The following PRKCH variants were observed in gnomAD, a reference collection of about 807,000 sequenced individuals.
The protein encoded by PRKCH is protein kinase C eta type.
In PRKCH, 28 loss-of-function variants were observed where a neutral mutation model predicts 82.5. The ratio of observed to expected loss-of-function variants is 0.34; its 90% confidence interval spans 0.25 to 0.47. The LOEUF (loss-of-function observed/expected upper bound fraction) is 0.47, where lower values mean the gene tolerates loss of function less well. Ranked by LOEUF, PRKCH falls within the 20% of genes least tolerant of loss-of-function variation. The pLI, the probability that PRKCH is intolerant of heterozygous loss-of-function variation, is 1.00. For synonymous variants in PRKCH, 322 were observed against 327.4 expected (o/e 0.98, Z 0.18); for missense variants, 705 against 881.8 (o/e 0.80, Z 2.54).
At chr14:61,484,027 T>A (rs1034470808) in intron 9 of PRKCH, among the ~76,000 whole-genome samples, 8 of 152,194 alleles carry the variant, frequency 5.3e-5, no homozygotes, top group Admixed American at 5.2e-4. Context: ...GGTGACAGAA[T>A]GAGACCCTGT....
intron 1 of PRKCH, among the ~76,000 whole-genome samples, chr14:61,329,234 C>CTTTTTTTCTTTTTTTTTT (rs1476293025): frequency 9.5e-5 from 6 of 63,460 alleles, no homozygotes; most frequent in African/African-American, 3.4e-4. Flanking sequence ...ACTCCTGAGT[C>CTTTTTTTCTTTTTTTTTT]TTTTTTTTTT....
At chr14:61,363,438 G>C (rs1270628875) in intron 1 of PRKCH, among the ~76,000 whole-genome samples, 1 of 152,172 alleles carries the variant, frequency 6.6e-6, no homozygotes, top group Non-Finnish European at 1.5e-5. Flanking sequence ...ATGGGTTTGA[G>C]AAGTACACAA....
chr14:61,438,280 T>A (rs1883776602), intron 2 of PRKCH, among the ~76,000 whole-genome samples: 1 of 152,190 alleles, frequency 6.6e-6, no homozygotes, highest in Admixed American at 6.5e-5. Flanking sequence ...CCCTTAAAGA[T>A]AAGCCACAGT....
In PRKCH at chr14:61,352,692, AAG is replaced by A. The variant is rs1491241343; in HGVS notation, c.363+30230_363+30231del. 2.3e-3 allele frequency among the ~76,000 whole-genome samples: 208 copies of A among 89,222 alleles called. 3 individuals carry two copies. Among genetic ancestry groups the A allele is most frequent in the African/African-American group, 8.8e-3 (204 of 23,190 alleles). 58.5% of individuals were successfully genotyped at this position (89,222 alleles called of 152,430 possible). A position where few individuals can be genotyped will look rare whatever the true frequency, so the allele number is the denominator to read the frequency against. ...AGAGAGAGAGAGAGAAAGGAAAGGA[AAG>A]AAAGAAAGAAAGAAAGAAAGAAAGA... On this transcript the variant is annotated intron_variant, in intron 1 of 13. Coordinates refer to ENST00000332981, the MANE Select transcript of PRKCH (RefSeq NM_006255.5).
chr14:61,234,958 C>T (rs777410492), intron 1 of PRKCH, among the ~76,000 whole-genome samples: 1 of 152,170 alleles, frequency 6.6e-6, no homozygotes, highest in Non-Finnish European at 1.5e-5. Flanking sequence ...TCCCAGAAGA[C>T]GCTGGAGGAA....
chr14:61,280,770 C>A lies in PRKCH; in HGVS notation c.-19+93102C>A. 6.4e-7 allele frequency: 1 copy of A among 1,556,488 alleles called. No homozygotes were observed. The highest frequency in any genetic ancestry group is 8.6e-7 in the Non-Finnish European group (1 of 1,159,646). On this transcript the variant is annotated intron_variant, in intron 1 of 3. Coordinates refer to the PRKCH transcript ENST00000555185. This position sits in a 1 kb window ranked among gnomAD's most constrained non-coding sequence, Gnocchi z 5.0. Reference sequence around the variant, plus strand: ...CGCTCAGCTGCGCGTCGTCGCGGGACACGCCGTAGCGCCGGTTGTTCTGGT... The same window carrying A: ...CGCTCAGCTGCGCGTCGTCGCGGGAAACGCCGTAGCGCCGGTTGTTCTGGT...
intron 1 of PRKCH, among the ~76,000 whole-genome samples, chr14:61,257,103 T>G (rs1453559625): frequency 6.6e-6 from 1 of 152,232 alleles, no homozygotes; most frequent in Non-Finnish European, 1.5e-5. Context: ...ATATTTTCAG[T>G]ACAATGACAT....
intron 1 of PRKCH, among the ~76,000 whole-genome samples, chr14:61,192,748 C>T (rs919088664): frequency 6.6e-6 from 1 of 152,174 alleles, no homozygotes; most frequent in African/African-American, 2.4e-5. Context: ...CTAAGGCCAA[C>T]CAAATGTTGA....
intron 1 of PRKCH, among the ~76,000 whole-genome samples, chr14:61,329,023 T>C (rs1422768088): frequency 2.0e-5 from 3 of 151,690 alleles, no homozygotes; most frequent in East Asian, 1.9e-4. Context: ...TCAACTAGAT[T>C]GTGTTCCCCT....
chr14:61,407,648 G>T (rs545085135), intron 2 of PRKCH, among the ~76,000 whole-genome samples: 1 of 152,236 alleles, frequency 6.6e-6, no homozygotes, highest in South Asian at 2.1e-4. Context: ...CCTCTTTCTC[G>T]GGTGTTGGAC....
At chr14:61,359,145 A>G (rs1244888580) in intron 1 of PRKCH, among the ~76,000 whole-genome samples, 3 of 152,150 alleles carry the variant, frequency 2.0e-5, no homozygotes, top group Non-Finnish European at 4.4e-5. Flanking sequence ...TGCTCATGAA[A>G]TGTTTGTTCA....
chr14:61,254,011 C>G (rs10146798), intron 1 of PRKCH, among the ~76,000 whole-genome samples: 7,046 of 139,426 alleles, frequency 0.051, 679 homozygotes, highest in African/African-American at 0.18. Context: ...CCCTCCCTCC[C>G]TTCCTTCCTT....
At chr14:61,402,883 T>C (rs1881722004) in intron 2 of PRKCH, among the ~76,000 whole-genome samples, 1 of 151,102 alleles carries the variant, frequency 6.6e-6, no homozygotes, top group Non-Finnish European at 1.5e-5. Context: ...TATTTTTATT[T>C]ATTATTATTA....
chr14:61,430,412 C>T (rs1014310146), intron 2 of PRKCH, among the ~76,000 whole-genome samples: 1 of 152,184 alleles, frequency 6.6e-6, no homozygotes, highest in South Asian at 2.1e-4. Context: ...TCTTACAGAA[C>T]TAAACAGACC....
At chr14:61,441,406 G>A (rs528387488) in intron 2 of PRKCH, among the ~76,000 whole-genome samples, 6 of 152,220 alleles carry the variant, frequency 3.9e-5, no homozygotes, top group African/African-American at 1.4e-4. Flanking sequence ...TGACAGGATG[G>A]GGATGCCTGT....
intron 1 of PRKCH, among the ~76,000 whole-genome samples, chr14:61,265,567 G>A (rs1272971315): frequency 2.6e-5 from 4 of 152,198 alleles, no homozygotes; most frequent in African/African-American, 4.8e-5. Flanking sequence ...GGTATTGGCA[G>A]AAAATGGACC....
chr14:61,307,358 T>C (rs2140107892), intron 1 of PRKCH: 1 of 152,350 alleles, frequency 6.6e-6, no homozygotes, highest in African/African-American at 2.4e-5. Context: ...AAAGGTGATA[T>C]ATACATCATC....
chr14:61,545,771 A>G (rs2043247769), intron 12 of PRKCH, among the ~76,000 whole-genome samples: 4 of 152,182 alleles, frequency 2.6e-5, no homozygotes, highest in Admixed American at 1.3e-4. Context: ...TGTTTGGTCT[A>G]CTTGTCGTCA....
At position 61,433,543 on chromosome 14, in the gene PRKCH, G is replaced by A. The variant is rs377099613; in HGVS notation, c.428-9568G>A. ...CCTGGGCTTGAAGGCTGGGGTGGGG[G>A]TAGAGAGAACAGTCCCTGAGCTTCA... On this transcript the variant is annotated intron_variant, in intron 2 of 13. Transcript: ENST00000332981. Among the ~76,000 whole-genome samples the A allele has an allele frequency of 3.1e-3, 479 of 152,240 alleles. 20 individuals carry two copies. The South Asian group carries it at 0.088, about 28-fold the overall frequency.
Sources: gnomAD v4.1 joint callset for allele counts (sites outside exome capture counted in the v4.1 genomes callset) on GRCh38, gnomAD v4.1.1 for gene constraint, Gnocchi (gnomAD v3.1) non-coding constraint, MANE v1.5 for transcripts, NCBI Gene and HGNC (gene_info 2026-07-23, HGNC 2026-07-21) for gene names.